RAB39A: variants seen among roughly 807,000 people sequenced by gnomAD.
RAB39A encodes the protein RAB39A, member RAS oncogene family, also known as ras-related protein Rab-39A.
Under a neutral mutation model 20.9 loss-of-function variants are expected in RAB39A, and 17 were observed. The observed-to-expected ratio is 0.81, with a 90% CI of 0.56 to 1.22. The LOEUF (loss-of-function observed/expected upper bound fraction) is 1.22, where lower values mean the gene tolerates loss of function less well. Among genes scored for constraint, RAB39A ranks in the 50% most tolerant of loss-of-function variants. The pLI is 0.00. For missense variants in RAB39A, 234 were observed against 270.5 expected, an observed-to-expected ratio of 0.87 and a Z score of 0.95; for synonymous variants, 99 against 103.4, an observed-to-expected ratio of 0.96 and a Z score of 0.26.
At chr11:107,929,044 C>A (rs35218154) in intron 1 of RAB39A, among the ~76,000 whole-genome samples, 3 of 152,210 alleles carry the variant, frequency 2.0e-5, no homozygotes, top group South Asian at 2.1e-4. Flanking sequence ...CCTTTCCCGC[C>A]TGAACCGGGG....
chr11:107,954,210 C>G (rs1861410819), intron 1 of RAB39A, among the ~76,000 whole-genome samples: 3 of 152,176 alleles, frequency 2.0e-5, no homozygotes, highest in Non-Finnish European at 4.4e-5. Context: ...TCAGGCCAAC[C>G]TAGGTAAGAT....
At chr11:107,934,790 G>A (rs1037716808) in intron 1 of RAB39A, among the ~76,000 whole-genome samples, 3 of 151,818 alleles carry the variant, frequency 2.0e-5, no homozygotes, top group Admixed American at 6.6e-5. Flanking sequence ...TTAGCCAGGC[G>A]TGGTGGCAGG....
At position 107,962,504 on chromosome 11, in the gene RAB39A, G is replaced by A; in HGVS notation, c.*132G>A. The A allele has an allele frequency of 2.3e-6, 2 of 861,286 alleles. No individual in the cohort carries two copies. The highest frequency in any genetic ancestry group is 3.4e-6 in the Non-Finnish European group (2 of 582,398). 53.4% of individuals were successfully genotyped at this position (861,286 alleles called of 1,614,324 possible). Reference sequence around the variant, plus strand: ...AACCCACACCAATACTATTTTATAAGGTATTTGATTCAGAGCATGATGCTT... The same window carrying A: ...AACCCACACCAATACTATTTTATAAAGTATTTGATTCAGAGCATGATGCTT... On this transcript the variant is annotated 3_prime_UTR_variant, in exon 2 of 2. Coordinates refer to ENST00000320578, the MANE Select transcript of RAB39A (RefSeq NM_017516.3).
intron 1 of RAB39A, among the ~76,000 whole-genome samples, chr11:107,949,580 G>A (rs1161865939): frequency 1.3e-5 from 2 of 152,070 alleles, no homozygotes; most frequent in Non-Finnish European, 2.9e-5. Flanking sequence ...GTGTTATATG[G>A]AATATAAAAT....
At position 107,962,443 on chromosome 11, in the gene RAB39A, C is replaced by A; in HGVS notation, c.*71C>A. On this transcript the variant is annotated 3_prime_UTR_variant, in exon 2 of 2. Coordinates refer to ENST00000320578, the MANE Select transcript of RAB39A (RefSeq NM_017516.3). ...TCAGGATAAATACCAACATTAACAG[C>A]AGAATGATGCAATGAAAGAATTTAA... 7.5e-7 allele frequency: 1 copy of A among 1,330,682 alleles called. No individual in the cohort carries two copies. Among genetic ancestry groups the A allele is most frequent in the Non-Finnish European group, 1.0e-6 (1 of 973,740 alleles). The allele number at this position is 1,330,682 out of a possible 1,614,324, so 82.4% of individuals were successfully genotyped here. A position where few individuals can be genotyped will look rare whatever the true frequency, so the allele number is the denominator to read the frequency against.
chr11:107,947,623 AATTTCGG>A (rs773079951), intron 1 of RAB39A, among the ~76,000 whole-genome samples: 5 of 152,082 alleles, frequency 3.3e-5, no homozygotes, highest in Non-Finnish European at 5.9e-5. Flanking sequence ...GTCATTATGA[AATTTCGG>A]AGCACTGGAA....
At chr11:107,936,664 G>A (rs764500417) in intron 1 of RAB39A, among the ~76,000 whole-genome samples, 2 of 152,102 alleles carry the variant, frequency 1.3e-5, no homozygotes, top group Non-Finnish European at 2.9e-5. Context: ...CTCCCTCACT[G>A]TGGTTCATGG....
At chr11:107,932,155 G>A (rs994263057) in intron 1 of RAB39A, among the ~76,000 whole-genome samples, 2 of 152,044 alleles carry the variant, frequency 1.3e-5, no homozygotes, top group South Asian at 2.1e-4. Context: ...GAACCACTGC[G>A]CCAGGCCAGC....
intron 1 of RAB39A, among the ~76,000 whole-genome samples, chr11:107,936,576 GAC>G (rs1408238849): frequency 6.6e-6 from 1 of 152,092 alleles, no homozygotes; most frequent in Non-Finnish European, 1.5e-5. Context: ...CTTCTTAAGA[GAC>G]TTTTTAAAAT....
intron 1 of RAB39A, among the ~76,000 whole-genome samples, chr11:107,954,228 A>G (rs1038417696): frequency 6.6e-6 from 1 of 152,194 alleles, no homozygotes; most frequent in African/African-American, 2.4e-5. Flanking sequence ...GATTAAGTCT[A>G]TTGAGCCCAG....
chr11:107,933,799 T>G (rs559980904), intron 1 of RAB39A, among the ~76,000 whole-genome samples: 1 of 151,872 alleles, frequency 6.6e-6, no homozygotes, highest in African/African-American at 2.4e-5. Flanking sequence ...TAGCTGGGAT[T>G]ACAGGCGCCC....
intron 1 of RAB39A, among the ~76,000 whole-genome samples, chr11:107,947,171 G>A (rs1380590540): frequency 3.3e-5 from 5 of 151,558 alleles, no homozygotes; most frequent in Non-Finnish European, 5.9e-5. Flanking sequence ...GCGTGATCTC[G>A]GCTCACTGCA....
intron 1 of RAB39A, among the ~76,000 whole-genome samples, chr11:107,942,024 G>T (rs1004912050): frequency 6.7e-6 from 1 of 148,424 alleles, no homozygotes; most frequent in Non-Finnish European, 1.5e-5. Context: ...GCTTAAACCT[G>T]GGAGAGGGAG....
chr11:107,951,575 A>T (rs1030980443), intron 1 of RAB39A, among the ~76,000 whole-genome samples: 2 of 150,630 alleles, frequency 1.3e-5, no homozygotes, highest in Admixed American at 1.3e-4. Context: ...AAAATTCATG[A>T]TAATAACACA....
intron 1 of RAB39A, among the ~76,000 whole-genome samples, chr11:107,940,917 G>A (rs1861252096): frequency 6.6e-6 from 1 of 151,920 alleles, no homozygotes; most frequent in African/African-American, 2.4e-5. Context: ...AGGTTGCAGA[G>A]AGCCGAGATC....
At chr11:107,931,010 CTT>C (rs1308989432) in intron 1 of RAB39A, among the ~76,000 whole-genome samples, 8 of 142,170 alleles carry the variant, frequency 5.6e-5, no homozygotes, top group Non-Finnish European at 1.2e-4. Context: ...GAGTTTCGCT[CTT>C]GTGGCCCAGG....
At position 107,933,377 on chromosome 11, in the gene RAB39A, C is replaced by CTTT. The variant is rs71047649; in HGVS notation, c.227+4601_227+4603dup. On this transcript the variant is annotated intron_variant, in intron 1 of 1. Transcript: ENST00000320578. ...TTTCTTTCCTTCTTTTTTATTCTTT[C>CTTT]TTTTTTTTTTTTTTTTTTTTTGAGT... 2.2e-3 allele frequency among the ~76,000 whole-genome samples: 162 copies of CTTT among 73,070 alleles called. 34 individuals are homozygous for CTTT. The highest frequency in any genetic ancestry group is 8.4e-3 in the African/African-American group (134 of 15,864). The allele number at this position is 73,070 out of a possible 152,430, so 47.9% of individuals were successfully genotyped here. A position where few individuals can be genotyped will look rare whatever the true frequency, so the allele number is the denominator to read the frequency against.
chr11:107,928,826 C>T lies in RAB39A; in HGVS notation c.227+31C>T. On this transcript the variant is annotated intron_variant, in intron 1 of 1. Coordinates refer to ENST00000320578, the MANE Select transcript of RAB39A (RefSeq NM_017516.3). This position sits in a 1 kb window ranked among gnomAD's most constrained non-coding sequence, Gnocchi z 4.9. ...GACCCCGGGGACCTTGGGCACCGCGCCGCCCCCTCAGCCCGCCCGGACGCC... is the reference window on the plus strand; with the variant it reads ...GACCCCGGGGACCTTGGGCACCGCGTCGCCCCCTCAGCCCGCCCGGACGCC... 1.4e-6 allele frequency: 2 copies of T among 1,475,266 alleles called. No homozygotes were observed. The highest frequency in any genetic ancestry group is 1.8e-6 in the Non-Finnish European group (2 of 1,096,042). 91.4% of individuals were successfully genotyped at this position (1,475,266 alleles called of 1,614,324 possible). A position where few individuals can be genotyped will look rare whatever the true frequency, so the allele number is the denominator to read the frequency against.
rs568184071 is a variant in RAB39A, at chr11:107,937,491, C to T, written c.227+8696C>T. On this transcript the variant is annotated intron_variant, in intron 1 of 1. Coordinates refer to ENST00000320578, the MANE Select transcript of RAB39A (RefSeq NM_017516.3). ...ATAAATGATACAGATTTCATGAAAG[C>T]AAAAGCTCACTGAACATCCAGGTGT... 1.1e-4 allele frequency among the ~76,000 whole-genome samples: 17 copies of T among 151,696 alleles called. No homozygotes were observed. In the East Asian group the frequency reaches 2.1e-3, roughly 19 times the overall value.
Sources: gnomAD v4.1 joint callset for allele counts (sites outside exome capture counted in the v4.1 genomes callset) on GRCh38, gnomAD v4.1.1 for gene constraint, Gnocchi (gnomAD v3.1) non-coding constraint, MANE v1.5 for transcripts, NCBI Gene and HGNC (gene_info 2026-07-23, HGNC 2026-07-21) for gene names.